Variants in ROR2 observed in about 807,000 individuals in gnomAD.
ROR2 encodes the protein tyrosine-protein kinase transmembrane receptor ROR2.
ROR2 carries 33 observed loss-of-function variants against 74.9 expected under a neutral mutation model. That is an observed-to-expected ratio of 0.44 (90% CI 0.33 to 0.59). ROR2 has a LOEUF of 0.59. Ranked by LOEUF, ROR2 falls within the 20% of genes least tolerant of loss-of-function variation. The pLI is 0.02. For missense variants in ROR2, 1,216 were observed against 1,313.8 expected (o/e 0.93, Z 1.15); for synonymous variants, 586 against 558.7 (o/e 1.05, Z -0.69).
chr9:91,894,581 A>G (rs983001456), intron 1 of ROR2, among the ~76,000 whole-genome samples: 1 of 152,206 alleles, frequency 6.6e-6, no homozygotes, highest in African/African-American at 2.4e-5. Flanking sequence ...CAAAAACACA[A>G]TGAGTTTAAA....
At chr9:91,783,981 AC>A (rs1826710744) in intron 1 of ROR2, among the ~76,000 whole-genome samples, 1 of 151,984 alleles carries the variant, frequency 6.6e-6, no homozygotes, top group South Asian at 2.1e-4. Context: ...TTTAAATAAC[AC>A]CAGAACACCT....
chr9:91,935,009 T>C (rs1444201695), intron 1 of ROR2, among the ~76,000 whole-genome samples: 1 of 152,188 alleles, frequency 6.6e-6, no homozygotes, highest in Admixed American at 6.5e-5. Flanking sequence ...ATAATTACGT[T>C]CTTGACAGCA....
intron 1 of ROR2, among the ~76,000 whole-genome samples, chr9:91,947,815 A>G (rs1346665418): frequency 2.6e-5 from 4 of 152,196 alleles, no homozygotes; most frequent in East Asian, 3.8e-4. Flanking sequence ...AACACACTCA[A>G]ATAACAGGGA....
chr9:91,852,644 CACA>C (rs533379555), intron 1 of ROR2, among the ~76,000 whole-genome samples: 5 of 151,364 alleles, frequency 3.3e-5, no homozygotes, highest in African/African-American at 9.8e-5. Flanking sequence ...CACACACACA[CACA>C]CACCCACACA....
chr9:91,789,953 A>G (rs2118999642), intron 1 of ROR2, among the ~76,000 whole-genome samples: 1 of 152,346 alleles, frequency 6.6e-6, no homozygotes, highest in South Asian at 2.1e-4. Flanking sequence ...TTCGAATTCA[A>G]AAACACAAAT....
chr9:91,757,301 G>A lies in ROR2; in HGVS notation c.434C>T (p.Thr145Ile), dbSNP rs746287807. The change falls in exon 3 of 9, where the codon ACC becomes ATC. Residue 145 changes from threonine to isoleucine, a missense_variant. Thr to Ile is a moderately conservative substitution (Grantham distance 89). Coordinates refer to ENST00000375708, the MANE Select transcript of ROR2 (RefSeq NM_004560.4). ...CVATNGMKTI[T>I]ATGVLFVRLG... The stretch of plus-strand genomic sequence containing the variant: ...CCGCACAAACAGGACGCCAGTGGCG[G>A]TAATGGTCTTCATCCCGTTGGTGGC... 1 of 1,614,052 alleles carries A rather than the reference G, an allele frequency of 6.2e-7. No homozygotes were observed. The highest frequency in any genetic ancestry group is 2.2e-5 in the East Asian group (1 of 44,838).
At chr9:91,922,766 A>G (rs1831305826) in intron 1 of ROR2, among the ~76,000 whole-genome samples, 1 of 152,088 alleles carries the variant, frequency 6.6e-6, no homozygotes, top group Admixed American at 6.5e-5. Flanking sequence ...AATATTTTTT[A>G]AAACTATTAG....
intron 1 of ROR2, among the ~76,000 whole-genome samples, chr9:91,806,486 C>T (rs1472580444): frequency 2.0e-5 from 3 of 152,216 alleles, no homozygotes; most frequent in South Asian, 2.1e-4. Context: ...AGGCATTTTA[C>T]GGAGACACAA....
intron 1 of ROR2, among the ~76,000 whole-genome samples, chr9:91,847,986 G>T (rs1225628700): frequency 6.6e-6 from 1 of 152,172 alleles, no homozygotes; most frequent in South Asian, 2.1e-4. Context: ...GCCTTTTAAA[G>T]AAAGTTATTT....
chr9:91,732,201 C>G (rs1937904743), intron 6 of ROR2, among the ~76,000 whole-genome samples: 1 of 152,180 alleles, frequency 6.6e-6, no homozygotes, highest in African/African-American at 2.4e-5. Context: ...TTCCCTAGGT[C>G]TCACTCCTCA....
At chr9:91,829,548 T>TC (rs1828394848) in intron 1 of ROR2, among the ~76,000 whole-genome samples, 1 of 29,936 alleles carries the variant, frequency 3.3e-5, no homozygotes, top group South Asian at 1.0e-3. Context: ...AGACTCCGTC[T>TC]CAAAAAAAAA....
intron 3 of ROR2, 46 bp downstream of exon 3, chr9:91,757,226 G>A (rs552297681): frequency 6.2e-7 from 1 of 1,611,802 alleles, no homozygotes; most frequent in African/African-American, 1.3e-5. Flanking sequence ...CGGTGGCTGG[G>A]AACCTTCATA....
chr9:91,904,365 C>G (rs1830757569), intron 1 of ROR2, among the ~76,000 whole-genome samples: 1 of 152,156 alleles, frequency 6.6e-6, no homozygotes, highest in African/African-American at 2.4e-5. Context: ...GCGGGTGGAG[C>G]CCACTGCCCT....
At chr9:91,844,941 T>A (rs1587775170) in intron 1 of ROR2, among the ~76,000 whole-genome samples, 1 of 152,290 alleles carries the variant, frequency 6.6e-6, no homozygotes, top group East Asian at 1.9e-4. Flanking sequence ...TACACACGCA[T>A]CCTAATGTAA....
Position 91,722,972 on chromosome 9 carries a change from C to CA in ROR2, c.*689dup. ...CAAGAAACACTTTCCCTTGAATTCC[C>CA]AAAAAAAGTGGGCAAAATACACATG... On this transcript the variant is annotated 3_prime_UTR_variant, in exon 9 of 9. Coordinates refer to ENST00000375708, the MANE Select transcript of ROR2 (RefSeq NM_004560.4). 2 of 195,340 alleles carry CA rather than the reference C, an allele frequency of 1.0e-5. No homozygotes were observed. Among genetic ancestry groups the CA allele is most frequent in the African/African-American group, 2.3e-5 (1 of 43,584 alleles). The allele number at this position is 195,340 out of a possible 1,614,324, so 12.1% of individuals were successfully genotyped here. A position where few individuals can be genotyped will look rare whatever the true frequency, so the allele number is the denominator to read the frequency against.
chr9:91,788,739 C>T (rs1826878349), intron 1 of ROR2, among the ~76,000 whole-genome samples: 1 of 151,794 alleles, frequency 6.6e-6, no homozygotes, highest in Middle Eastern at 3.2e-3. Flanking sequence ...GTGGCGGGCA[C>T]CTGTAATCCC....
intron 5 of ROR2, among the ~76,000 whole-genome samples, chr9:91,734,791 G>A (rs947374864): frequency 6.6e-6 from 1 of 152,210 alleles, no homozygotes; most frequent in African/African-American, 2.4e-5. Flanking sequence ...GGTAAAAGGC[G>A]GCGTCAGTGG....
rs368617352 is a variant in ROR2 at position 91,895,540 on chromosome 9, G to T, written c.97+54327C>A. On this transcript the variant is annotated intron_variant, in intron 1 of 8. Transcript: ENST00000375708. ...CTCTATTTTGTTGTGAACCTAAAAT[G>T]TTCTAAAAAATAAATCTATTTAGGC... Among the ~76,000 whole-genome samples, 529 of 152,268 alleles carry T rather than the reference G, an allele frequency of 3.5e-3. 3 individuals are homozygous for T. Among genetic ancestry groups the T allele is most frequent in the Non-Finnish European group, 5.0e-3 (338 of 68,008 alleles).
intron 3 of ROR2, 150 bp from the exon 4 acceptor site, chr9:91,756,251 G>A (rs1825746435): frequency 1.1e-5 from 8 of 745,218 alleles, no homozygotes; most frequent in Middle Eastern, 2.3e-4. Flanking sequence ...TCGTGATTAC[G>A]TCAGCAAGGC....
Sources: allele counts gnomAD v4.1 joint callset (sites outside exome capture counted in the v4.1 genomes callset), GRCh38; gene constraint gnomAD v4.1.1; transcripts MANE v1.5; gene names NCBI Gene and HGNC (gene_info 2026-07-23, HGNC 2026-07-21).